Variants in LRRC4C observed in about 807,000 individuals in gnomAD.
The protein encoded by LRRC4C is leucine rich repeat containing 4C, also known as leucine-rich repeat-containing protein 4C.
In LRRC4C, 5 loss-of-function variants were observed where a neutral mutation model predicts 33.6. The ratio of observed to expected loss-of-function variants is 0.15; its 90% CI spans 0.08 to 0.31. The LOEUF is 0.31. Ranked by LOEUF, LRRC4C falls within the 10% of genes least tolerant of loss-of-function variation. LRRC4C has a pLI of 1.00. For synonymous variants in LRRC4C, 329 were observed against 302.0 expected (o/e 1.09, Z -0.93); for missense variants, 560 against 796.7 (o/e 0.70, Z 3.58).
intron 1 of LRRC4C, among the ~76,000 whole-genome samples, chr11:41,320,281 A>G (rs1479314292): frequency 1.3e-5 from 2 of 152,260 alleles, no homozygotes; most frequent in African/African-American, 4.8e-5. Context: ...GACCATAACC[A>G]TGATTTAGCC....
chr11:41,326,750 C>T (rs919772514), intron 1 of LRRC4C, among the ~76,000 whole-genome samples: 1 of 152,112 alleles, frequency 6.6e-6, no homozygotes, highest in Non-Finnish European at 1.5e-5. Flanking sequence ...AGAAGTTTCA[C>T]AAAACAGTCC....
intron 1 of LRRC4C, among the ~76,000 whole-genome samples, chr11:41,272,044 G>A (rs949279407): frequency 6.6e-6 from 1 of 152,058 alleles, no homozygotes; most frequent in Non-Finnish European, 1.5e-5. Context: ...TGACTTCAGG[G>A]CCCACATTCT....
intron 5 of LRRC4C, among the ~76,000 whole-genome samples, chr11:40,186,872 C>T (rs2135565342): frequency 6.6e-6 from 1 of 152,286 alleles, no homozygotes; most frequent in South Asian, 2.1e-4. Flanking sequence ...CACCCCTGTG[C>T]ACCCTACCAC....
intron 1 of LRRC4C, among the ~76,000 whole-genome samples, chr11:41,050,118 T>G (rs76876659): frequency 6.6e-6 from 1 of 152,180 alleles, no homozygotes; most frequent in Non-Finnish European, 1.5e-5. Flanking sequence ...GGAGGCATCA[T>G]AGTGAGAAGG....
intron 1 of LRRC4C, among the ~76,000 whole-genome samples, chr11:41,101,451 C>A (rs1377245756): frequency 6.6e-6 from 1 of 152,062 alleles, no homozygotes. Flanking sequence ...AATGAGATAC[C>A]AGCTCACACC....
At chr11:40,677,207 G>A (rs956714754) in intron 2 of LRRC4C, among the ~76,000 whole-genome samples, 5 of 152,086 alleles carry the variant, frequency 3.3e-5, no homozygotes, top group African/African-American at 1.2e-4. Context: ...CCAACATGGT[G>A]AAACTCTGTC....
chr11:40,160,695 A>G lies in LRRC4C; in HGVS notation c.-95-19842T>C, dbSNP rs572829384. On this transcript the variant is annotated intron_variant, in intron 5 of 6. Coordinates refer to ENST00000528697, the MANE Select transcript of LRRC4C (RefSeq NM_001258419.2). ...GCAGGGGTGGGTCATGAAAGAACAC[A>G]TTAAAATCATCATTAAAAAGTCAGT... Among the ~76,000 whole-genome samples, 3 of 152,342 alleles carry G rather than the reference A, an allele frequency of 2.0e-5. No individual in the cohort carries two copies. In the East Asian group the frequency reaches 5.8e-4, roughly 29 times the overall value.
intron 2 of LRRC4C, among the ~76,000 whole-genome samples, chr11:40,926,290 C>T (rs1241735728): frequency 6.6e-6 from 1 of 152,090 alleles, no homozygotes; most frequent in African/African-American, 2.4e-5. Flanking sequence ...TGATGTCCTC[C>T]TCCCTAATTT....
intron 2 of LRRC4C, among the ~76,000 whole-genome samples, chr11:40,658,316 A>C (rs1348896769): frequency 6.6e-6 from 1 of 152,214 alleles, no homozygotes; most frequent in Non-Finnish European, 1.5e-5. Flanking sequence ...TTGAATCATG[A>C]TGCTTAAATA....
chr11:41,086,888 CTT>C (rs113404348), intron 1 of LRRC4C, among the ~76,000 whole-genome samples: 1 of 141,614 alleles, frequency 7.1e-6, no homozygotes, highest in African/African-American at 2.6e-5. Context: ...AGATATGAGT[CTT>C]TTTTTTTTTT....
intron 2 of LRRC4C, among the ~76,000 whole-genome samples, chr11:40,886,528 T>C (rs997437274): frequency 3.0e-4 from 45 of 150,594 alleles, no homozygotes; most frequent in African/African-American, 1.1e-3. Context: ...AGCAATAGAG[T>C]AGAAACAAAA....
chr11:40,502,557 C>T (rs758575614), intron 3 of LRRC4C, among the ~76,000 whole-genome samples: 20 of 152,022 alleles, frequency 1.3e-4, no homozygotes, highest in Non-Finnish European at 2.6e-4. Context: ...ACCATGAAAC[C>T]TTATGAGACT....
intron 3 of LRRC4C, among the ~76,000 whole-genome samples, chr11:40,579,549 A>G (rs1958371645): frequency 6.6e-6 from 1 of 152,342 alleles, no homozygotes; most frequent in African/African-American, 2.4e-5. Flanking sequence ...TATGACTTTT[A>G]GTAAATTCCT....
chr11:40,780,349 C>T (rs750080102), intron 2 of LRRC4C, among the ~76,000 whole-genome samples: 26 of 152,032 alleles, frequency 1.7e-4, no homozygotes, highest in African/African-American at 4.8e-4. Context: ...AAGAAAATTT[C>T]GAAAATATAT....
At chr11:40,637,317 C>G (rs1048626182) in intron 3 of LRRC4C, among the ~76,000 whole-genome samples, 1 of 152,158 alleles carries the variant, frequency 6.6e-6, no homozygotes, top group Non-Finnish European at 1.5e-5. Flanking sequence ...CTATGGCAGG[C>G]AATCTCTAAA....
At chr11:40,666,039 G>A (rs892191115) in intron 2 of LRRC4C, among the ~76,000 whole-genome samples, 3 of 151,992 alleles carry the variant, frequency 2.0e-5, no homozygotes, top group African/African-American at 7.2e-5. Context: ...CATGTGTACA[G>A]GTCCTGGTTT....
At chr11:41,246,042 C>T (rs2136596562) in intron 1 of LRRC4C, among the ~76,000 whole-genome samples, 1 of 152,276 alleles carries the variant, frequency 6.6e-6, no homozygotes, top group Non-Finnish European at 1.5e-5. Context: ...AGCCCCAGGC[C>T]TCAGGCCATT....
intron 6 of LRRC4C, among the ~76,000 whole-genome samples, chr11:40,140,057 A>T: frequency 6.6e-6 from 1 of 152,184 alleles, no homozygotes; most frequent in East Asian, 1.9e-4. Context: ...GGGAGAGAAG[A>T]AGGTTAAACC....
intron 3 of LRRC4C, among the ~76,000 whole-genome samples, chr11:40,574,836 A>C (rs1006730684): frequency 6.6e-6 from 1 of 152,126 alleles, no homozygotes; most frequent in African/African-American, 2.4e-5. Flanking sequence ...AGGACCTTAC[A>C]AAGAGCTGCT....
Sources: allele counts gnomAD v4.1 joint callset (sites outside exome capture counted in the v4.1 genomes callset), GRCh38; gene constraint gnomAD v4.1.1; transcripts MANE v1.5; gene names NCBI Gene and HGNC (gene_info 2026-07-23, HGNC 2026-07-21).